The following FGF12 variants were observed in gnomAD, a reference collection of about 807,000 sequenced individuals.
FGF12 encodes fibroblast growth factor 12B.
FGF12 carries 14 observed loss-of-function variants against 23.6 expected under a neutral mutation model. The ratio of observed to expected loss-of-function variants is 0.59; its 90% CI spans 0.39 to 0.93. The LOEUF is 0.93. FGF12 is among the 40% of genes least tolerant of loss of function. The pLI is 0.00. For missense variants in FGF12, 175 were observed against 217.8 expected, an observed-to-expected ratio of 0.80 and a Z score of 1.24; for synonymous variants, 62 against 77.3, an observed-to-expected ratio of 0.80 and a Z score of 1.04.
intron 5 of FGF12, among the ~76,000 whole-genome samples, chr3:192,156,065 ATC>A (rs988154663): frequency 1.3e-5 from 2 of 152,028 alleles, no homozygotes; most frequent in African/African-American, 4.8e-5. Flanking sequence ...TTTTTTTTAA[ATC>A]TCTTTTTTTT....
At chr3:192,357,045 T>G (rs1179443113) in intron 3 of FGF12, among the ~76,000 whole-genome samples, 2 of 152,206 alleles carry the variant, frequency 1.3e-5, no homozygotes, top group Non-Finnish European at 2.9e-5. Flanking sequence ...CTGTAAATAA[T>G]ATTCACTAGT....
At chr3:192,719,781 A>C (rs1718978967) in intron 2 of FGF12, among the ~76,000 whole-genome samples, 1 of 101,034 alleles carries the variant, frequency 9.9e-6, no homozygotes, top group African/African-American at 4.2e-5. Flanking sequence ...GAAAGAGACT[A>C]AGGGCAAAAA....
intron 2 of FGF12, among the ~76,000 whole-genome samples, chr3:192,630,646 A>G (rs866538828): frequency 6.8e-6 from 1 of 147,974 alleles, no homozygotes; most frequent in African/African-American, 2.5e-5. Context: ...TCTGTCTCCC[A>G]GGTTCACCCC....
chr3:192,621,671 C>T (rs78619683), intron 2 of FGF12, among the ~76,000 whole-genome samples: 2,907 of 113,240 alleles, frequency 0.026, 112 homozygotes, highest in African/African-American at 0.097. Flanking sequence ...TCAGCAATAT[C>T]TTAGGCAAGA....
rs1560152981 is a variant in FGF12, at chr3:192,567,783, T to TTCTTTCTTTCTG, written c.13+159397_13+159398insCAGAAAGAAAGA. Among the ~76,000 whole-genome samples the TTCTTTCTTTCTG allele has an allele frequency of 6.6e-5, 9 of 135,466 alleles. 1 individual carries two copies. In the East Asian group the frequency reaches 1.8e-3, roughly 27 times the overall value. The allele number at this position is 135,466 out of a possible 152,430, so 88.9% of individuals were successfully genotyped here. A position where few individuals can be genotyped will look rare whatever the true frequency, so the allele number is the denominator to read the frequency against. ...TTTCTTTCTTTCTTTCTTTCTTTCTTTCTTTCTTTCTTTCTTTCTCTTTCT... is the reference window on the plus strand; with the variant it reads ...TTTCTTTCTTTCTTTCTTTCTTTCTTTCTTTCTTTCTGTCTTTCTTTCTTTCTTTCTCTTTCT... On this transcript the variant is annotated intron_variant, in intron 2 of 5. Transcript: ENST00000445105.
chr3:192,402,682 T>C (rs1245016345), intron 2 of FGF12, among the ~76,000 whole-genome samples: 2 of 152,216 alleles, frequency 1.3e-5, no homozygotes, highest in Non-Finnish European at 2.9e-5. Context: ...AAGATGGGGC[T>C]ATCTCAGCAG....
chr3:192,248,601 C>T (rs191468160), intron 4 of FGF12, among the ~76,000 whole-genome samples: 74 of 152,028 alleles, frequency 4.9e-4, no homozygotes, highest in South Asian at 8.3e-4. Flanking sequence ...AGTGAGACCC[C>T]GTCTCTACAA....
At chr3:192,517,504 T>A (rs1724700791) in intron 2 of FGF12, among the ~76,000 whole-genome samples, 1 of 152,220 alleles carries the variant, frequency 6.6e-6, no homozygotes, top group African/African-American at 2.4e-5. Flanking sequence ...TAAATGGCTA[T>A]CACAGTGATT....
intron 2 of FGF12, among the ~76,000 whole-genome samples, chr3:192,693,124 G>T (rs1216117198): frequency 1.3e-5 from 2 of 151,708 alleles, no homozygotes; most frequent in Admixed American, 1.3e-4. Context: ...AAAATCAATT[G>T]TATATCTTTA....
chr3:192,695,260 A>G (rs2108724899), intron 2 of FGF12, among the ~76,000 whole-genome samples: 1 of 152,260 alleles, frequency 6.6e-6, no homozygotes, highest in South Asian at 2.1e-4. Context: ...TCTTATTCAC[A>G]TTGTTCCTTT....
rs747551839 is a variant in FGF12 at position 192,408,185 on chromosome 3, C to T, written c.14-47647G>A. 1.9e-6 allele frequency: 3 copies of T among 1,608,358 alleles called. No homozygotes were observed. Among genetic ancestry groups the T allele is most frequent in the Non-Finnish European group, 2.5e-6 (3 of 1,179,540 alleles). On this transcript the variant is annotated intron_variant, in intron 2 of 5. Transcript: ENST00000445105. The surrounding 1 kb of genome is among the most constrained non-coding windows in gnomAD (Gnocchi z 7.3). ...CGCTGTTGGACTCCCTCGCCTGCCG[C>T]TTCTGCCGGATCAAGGAGCTGGCTA...
At chr3:192,225,822 A>G (rs1159698282) in intron 4 of FGF12, among the ~76,000 whole-genome samples, 1 of 152,208 alleles carries the variant, frequency 6.6e-6, no homozygotes, top group Non-Finnish European at 1.5e-5. Flanking sequence ...ATGAACCTTG[A>G]AAACATGCTA....
At chr3:192,421,044 G>A (rs116939586) in intron 2 of FGF12, among the ~76,000 whole-genome samples, 148 of 152,236 alleles carry the variant, frequency 9.7e-4, no homozygotes, top group East Asian at 3.1e-3. Flanking sequence ...TATTCGACGA[G>A]AATCGACAGT....
intron 2 of FGF12, among the ~76,000 whole-genome samples, chr3:192,586,470 T>C (rs962623328): frequency 1.3e-5 from 2 of 152,206 alleles, no homozygotes; most frequent in African/African-American, 4.8e-5. Flanking sequence ...GAACTCAGTA[T>C]AGTACCTGAC....
intron 4 of FGF12, among the ~76,000 whole-genome samples, chr3:192,171,714 C>G (rs941652430): frequency 3.3e-5 from 5 of 152,168 alleles, no homozygotes; most frequent in Non-Finnish European, 7.4e-5. Flanking sequence ...TCTTCCTCTC[C>G]ATGAACTGGA....
intron 2 of FGF12, among the ~76,000 whole-genome samples, chr3:192,411,548 A>G (rs749505236): frequency 4.6e-5 from 7 of 152,232 alleles, no homozygotes; most frequent in South Asian, 2.1e-4. Flanking sequence ...ATGCATTTCC[A>G]TATGTGCATC....
chr3:192,552,211 A>G (rs1483191476), intron 2 of FGF12, among the ~76,000 whole-genome samples: 1 of 152,088 alleles, frequency 6.6e-6, no homozygotes, highest in Non-Finnish European at 1.5e-5. Flanking sequence ...TGTGAATATA[A>G]ATTAACCAAT....
At chr3:192,701,152 C>T (rs1718281612) in intron 2 of FGF12, among the ~76,000 whole-genome samples, 1 of 152,180 alleles carries the variant, frequency 6.6e-6, no homozygotes, top group Non-Finnish European at 1.5e-5. Context: ...AACCCAGACA[C>T]TCCTTGCTAT....
intron 4 of FGF12, among the ~76,000 whole-genome samples, chr3:192,228,684 A>G (rs756811514): frequency 2.0e-5 from 3 of 152,076 alleles, no homozygotes; most frequent in Non-Finnish European, 4.4e-5. Context: ...GAAAGAAACA[A>G]TACTCAGAAT....
Sources: allele counts gnomAD v4.1 joint callset (sites outside exome capture counted in the v4.1 genomes callset), GRCh38; gene constraint gnomAD v4.1.1; non-coding constraint Gnocchi (gnomAD v3.1); transcripts MANE v1.5; gene names NCBI Gene and HGNC (gene_info 2026-07-23, HGNC 2026-07-21).